The following AAK1 variants were observed in gnomAD, a reference collection of about 807,000 sequenced individuals.
The protein encoded by AAK1 is AP2-associated protein kinase 1.
AAK1 carries 37 observed loss-of-function variants against 116.0 expected under a neutral mutation model. That is an observed-to-expected ratio of 0.32 (90% CI 0.25 to 0.42). The LOEUF (loss-of-function observed/expected upper bound fraction) is 0.42, where lower values mean the gene tolerates loss of function less well. Ranked by LOEUF, AAK1 falls within the 10% of genes least tolerant of loss-of-function variation. AAK1 has a pLI of 1.00. For synonymous variants in AAK1, 458 were observed against 439.9 expected (o/e 1.04, Z -0.51); for missense variants, 919 against 1,170.6 (o/e 0.79, Z 3.14).
rs1029850198 is a variant in AAK1 at position 69,460,774 on chromosome 2, CTGTA to C, written c.*15091_*15094del. ...TAACCAAGCACTTGGAACTAAAGGG[CTGTA>C]TGTGAGCCCAAGAAACTGATATATT... On this transcript the variant is annotated 3_prime_UTR_variant, in exon 22 of 22. Transcript: ENST00000409085. The C allele has an allele frequency of 2.0e-5, 3 of 152,188 alleles. No homozygotes were observed. The highest frequency in any genetic ancestry group is 2.9e-5 in the Non-Finnish European group (2 of 68,040). The allele number at this position is 152,188 out of a possible 1,614,324, so 9.4% of individuals were successfully genotyped here.
At chr2:69,638,516 G>A (rs1219626849) in intron 2 of AAK1, among the ~76,000 whole-genome samples, 1 of 152,216 alleles carries the variant, frequency 6.6e-6, no homozygotes, top group Admixed American at 6.5e-5. Context: ...ACTGAAGAAA[G>A]TGAGTAGCAA....
rs1241973028 is a variant in AAK1 at position 69,556,997 on chromosome 2, C to T, written c.164-19G>A. The T allele has an allele frequency of 1.3e-6, 2 of 1,582,138 alleles. No homozygotes were observed. Among genetic ancestry groups the T allele is most frequent in the Admixed American group, 1.7e-5 (1 of 59,708 alleles). ...AATCCACCTGTGAGAGAAACACACA[C>T]AAGCTCTTTTGAGTCAATGTTCAAA... On this transcript the variant is annotated intron_variant, in intron 2 of 21. Coordinates refer to ENST00000409085, the MANE Select transcript of AAK1 (RefSeq NM_014911.5).
At chr2:69,539,905 A>T (rs1225463887) in intron 5 of AAK1, among the ~76,000 whole-genome samples, 1 of 152,062 alleles carries the variant, frequency 6.6e-6, no homozygotes. Context: ...CCCCTTGATT[A>T]TCTTCTATTC....
intron 16 of AAK1, among the ~76,000 whole-genome samples, chr2:69,496,882 ACTT>A (rs1675766027): frequency 6.6e-6 from 1 of 152,136 alleles, no homozygotes; most frequent in South Asian, 2.1e-4. Context: ...GCAGAAATAG[ACTT>A]CTTGCCTATT....
At chr2:69,553,732 G>A (rs994985448) in intron 3 of AAK1, among the ~76,000 whole-genome samples, 11 of 150,828 alleles carry the variant, frequency 7.3e-5, no homozygotes, top group Admixed American at 3.3e-4. Flanking sequence ...ATGAGCCACC[G>A]TGCCCGGCCT....
chr2:69,637,396 C>G (rs1208590435), intron 2 of AAK1, among the ~76,000 whole-genome samples: 1 of 152,146 alleles, frequency 6.6e-6, no homozygotes, highest in Non-Finnish European at 1.5e-5. Flanking sequence ...TCTCATTTAT[C>G]TCCGCATGAT....
chr2:69,557,860 T>C (rs866868065), intron 2 of AAK1, among the ~76,000 whole-genome samples: 12 of 152,290 alleles, frequency 7.9e-5, no homozygotes, highest in African/African-American at 4.8e-5. Flanking sequence ...TATCACTCAA[T>C]TCGAATCTAG....
At chr2:69,529,063 A>C (rs1241200263) in intron 8 of AAK1, among the ~76,000 whole-genome samples, 1 of 152,214 alleles carries the variant, frequency 6.6e-6, no homozygotes, top group African/African-American at 2.4e-5. Flanking sequence ...GCACCTTAAA[A>C]GCTGTATCTA....
chr2:69,574,398 A>G (rs964809697), intron 2 of AAK1, among the ~76,000 whole-genome samples: 10 of 149,720 alleles, frequency 6.7e-5, no homozygotes, highest in South Asian at 2.1e-4. Context: ...AAAAAAAAAA[A>G]AGAGAAGAGA....
At chr2:69,500,698 T>TATATATACACAC in intron 16 of AAK1, among the ~76,000 whole-genome samples, 99 of 65,082 alleles carry the variant, frequency 1.5e-3, no homozygotes, top group African/African-American at 4.0e-3. Context: ...TATATATATA[T>TATATATACACAC]ACACACACAC....
chr2:69,549,798 G>A (rs1213547912), intron 3 of AAK1, among the ~76,000 whole-genome samples: 1 of 152,128 alleles, frequency 6.6e-6, no homozygotes, highest in Non-Finnish European at 1.5e-5. Flanking sequence ...AATTTCAAGT[G>A]TATGATCTTA....
At chr2:69,604,289 C>T (rs985983635) in intron 2 of AAK1, among the ~76,000 whole-genome samples, 5 of 152,152 alleles carry the variant, frequency 3.3e-5, no homozygotes, top group Admixed American at 1.3e-4. Context: ...AGAGTGAATG[C>T]TTATCTTTCG....
At position 69,472,937 on chromosome 2, in the gene AAK1, T is replaced by TATA; in HGVS notation, c.*2929_*2931dup. On this transcript the variant is annotated 3_prime_UTR_variant, in exon 22 of 22. Transcript: ENST00000409085. ...AAAGAGCAAGTTAGTAAAAGCCCAT[T>TATA]ATAATTCTTTAAAATGTAAACACTG... 1.0e-6 allele frequency: 1 copy of TATA among 985,698 alleles called. No homozygotes were observed. Among genetic ancestry groups the TATA allele is most frequent in the Non-Finnish European group, 1.2e-6 (1 of 829,746 alleles). 61.1% of individuals were successfully genotyped at this position (985,698 alleles called of 1,614,324 possible).
intron 2 of AAK1, among the ~76,000 whole-genome samples, chr2:69,639,869 G>A (rs1225192144): frequency 6.6e-6 from 1 of 152,028 alleles, no homozygotes; most frequent in African/African-American, 2.4e-5. Flanking sequence ...AAGGAGCATG[G>A]CTACCCAAAA....
In AAK1 at chr2:69,462,953, T is replaced by C. The variant is rs1487104304; in HGVS notation, c.*12916A>G. The C allele has an allele frequency of 1.3e-5, 2 of 152,254 alleles. No individual in the cohort carries two copies. Among genetic ancestry groups the C allele is most frequent in the African/African-American group, 2.4e-5 (1 of 41,466 alleles). 9.4% of individuals were successfully genotyped at this position (152,254 alleles called of 1,614,324 possible). On this transcript the variant is annotated 3_prime_UTR_variant, in exon 22 of 22. Coordinates refer to ENST00000409085, the MANE Select transcript of AAK1 (RefSeq NM_014911.5). ...TGAAGGACATAGGTTTCTGGCACAG[T>C]TGAAACCTTAGTTGGAAAACCAAAC...
At position 69,463,982 on chromosome 2, in the gene AAK1, T is replaced by C. The variant is rs1372800036; in HGVS notation, c.*11887A>G. ...ATTTTAAGGCACTAATAATAAAGGG[T>C]ATGAAAAAAGCTAGGAATAAGTCAG... On this transcript the variant is annotated 3_prime_UTR_variant, in exon 22 of 22. Coordinates refer to ENST00000409085, the MANE Select transcript of AAK1 (RefSeq NM_014911.5). The C allele has an allele frequency of 6.6e-6, 1 of 152,502 alleles. No homozygotes were observed. The highest frequency in any genetic ancestry group is 1.5e-5 in the Non-Finnish European group (1 of 68,010). 9.4% of individuals were successfully genotyped at this position (152,502 alleles called of 1,614,324 possible).
At chr2:69,568,008 G>A (rs527250409) in intron 2 of AAK1, among the ~76,000 whole-genome samples, 38 of 152,244 alleles carry the variant, frequency 2.5e-4, no homozygotes, top group Non-Finnish European at 4.3e-4. Flanking sequence ...TAATCCACCG[G>A]GGCCACAATC....
intron 2 of AAK1, among the ~76,000 whole-genome samples, chr2:69,593,737 A>G (rs1435966925): frequency 6.6e-6 from 1 of 152,238 alleles, no homozygotes; most frequent in Non-Finnish European, 1.5e-5. Context: ...CAAACTGTAT[A>G]CTGGATAAAA....
Position 69,461,850 on chromosome 2 carries a change from C to T in AAK1, c.*14019G>A, listed in dbSNP as rs375246693. On this transcript the variant is annotated 3_prime_UTR_variant, in exon 22 of 22. Coordinates refer to ENST00000409085, the MANE Select transcript of AAK1 (RefSeq NM_014911.5). ...CAAGTGATCCACCCACCTCGGCCTC[C>T]CAAAGTGCTGGGATTACAAGCGTGA... The T allele has an allele frequency of 8.7e-6, 2 of 229,370 alleles. No individual in the cohort carries two copies. The highest frequency in any genetic ancestry group is 3.4e-4 in the East Asian group (2 of 5,888). 14.2% of individuals were successfully genotyped at this position (229,370 alleles called of 1,614,324 possible).
Sources: allele counts gnomAD v4.1 joint callset (sites outside exome capture counted in the v4.1 genomes callset), GRCh38; gene constraint gnomAD v4.1.1; transcripts MANE v1.5; gene names NCBI Gene and HGNC (gene_info 2026-07-23, HGNC 2026-07-21).